Variants in ADCY3 observed in about 807,000 individuals in gnomAD.
ADCY3 encodes adenylate cyclase 3.
A neutral mutation model predicts 119.4 loss-of-function variants in ADCY3; 70 were observed. The ratio of observed to expected loss-of-function variants is 0.59; its 90% CI spans 0.48 to 0.72. The LOEUF is 0.72. ADCY3 is among the 30% of genes least tolerant of loss of function. ADCY3 has a pLI of 0.00. For missense variants in ADCY3, 1,238 were observed against 1,541.6 expected, an observed-to-expected ratio of 0.80 and a Z score of 3.30; for synonymous variants, 672 against 621.4, an observed-to-expected ratio of 1.08 and a Z score of -1.21.
chr2:24,863,532 G>A (rs527699588), intron 3 of ADCY3, among the ~76,000 whole-genome samples: 1 of 152,232 alleles, frequency 6.6e-6, no homozygotes, highest in Non-Finnish European at 1.5e-5. Flanking sequence ...TGTCCCTCTA[G>A]AGAACCCTAA....
rs926108542 is a variant in ADCY3 at position 24,842,528 on chromosome 2, C to G, written c.826-144G>C. On this transcript the variant is annotated intron_variant, in intron 3 of 21. Transcript: ENST00000679454. This position sits in a 1 kb window ranked among gnomAD's most constrained non-coding sequence, Gnocchi z 4.9. ...CCTCCAGAGAGACCTCACAGATCTGCCTCGGGAGCAGCCAGGGGTCTGGGA... is the reference window on the plus strand; with the variant it reads ...CCTCCAGAGAGACCTCACAGATCTGGCTCGGGAGCAGCCAGGGGTCTGGGA... 1.1e-5 allele frequency: 12 copies of G among 1,111,724 alleles called. No homozygotes were observed. In the Admixed American group the frequency reaches 2.6e-4, roughly 25 times the overall value. The allele number at this position is 1,111,724 out of a possible 1,614,324, so 68.9% of individuals were successfully genotyped here.
At chr2:24,849,311 C>T (rs1044224082) in intron 3 of ADCY3, among the ~76,000 whole-genome samples, 13 of 152,162 alleles carry the variant, frequency 8.5e-5, no homozygotes, top group African/African-American at 3.1e-4. Flanking sequence ...ACTGCTGAGC[C>T]TCCTCCCGGT....
intron 3 of ADCY3, among the ~76,000 whole-genome samples, chr2:24,855,125 G>A (rs1187292960): frequency 1.3e-5 from 2 of 152,162 alleles, no homozygotes; most frequent in African/African-American, 4.8e-5. Flanking sequence ...TTGGCTCTGG[G>A]CTGTGTGACA....
intron 11 of ADCY3, among the ~76,000 whole-genome samples, chr2:24,833,215 G>A (rs971906139): frequency 6.6e-6 from 1 of 152,210 alleles, no homozygotes; most frequent in Non-Finnish European, 1.5e-5. Context: ...GCGGCCTCCT[G>A]TGTTAAGAGT....
intron 20 of ADCY3, 161 bp downstream of exon 20, chr2:24,821,356 C>T: frequency 9.4e-7 from 1 of 1,064,276 alleles, no homozygotes. Context: ...CTAGAGTCGT[C>T]TGGACTAAAG....
chr2:24,886,994 A>T (rs1677102759), intron 2 of ADCY3, among the ~76,000 whole-genome samples: 1 of 152,158 alleles, frequency 6.6e-6, no homozygotes, highest in Non-Finnish European at 1.5e-5. Flanking sequence ...TCTCCCTAGC[A>T]GCCCCAGCTT....
At chr2:24,855,111 C>A (rs1446010787) in intron 3 of ADCY3, among the ~76,000 whole-genome samples, 1 of 152,110 alleles carries the variant, frequency 6.6e-6, no homozygotes, top group African/African-American at 2.4e-5. Flanking sequence ...CCTGAACAAG[C>A]CCCTTGGCTC....
intron 3 of ADCY3, among the ~76,000 whole-genome samples, chr2:24,854,161 C>T (rs77904358): frequency 0.033 from 5,023 of 152,218 alleles, 248 homozygotes; most frequent in African/African-American, 0.11. Flanking sequence ...TCCAGAGAAC[C>T]GGACTGTGGA....
At chr2:24,910,099 C>T (rs1299406872) in intron 2 of ADCY3, among the ~76,000 whole-genome samples, 3 of 152,212 alleles carry the variant, frequency 2.0e-5, no homozygotes, top group Non-Finnish European at 2.9e-5. Flanking sequence ...AATGAAACAG[C>T]GCAGGTGGAC....
intron 15 of ADCY3, 107 bp from the exon 16 acceptor site, chr2:24,826,233 G>A: frequency 2.1e-6 from 2 of 947,766 alleles, no homozygotes; most frequent in Non-Finnish European, 1.6e-6. Flanking sequence ...CAGCCCTAGA[G>A]CTCACCCCGG....
At chr2:24,835,270 G>A (rs1670151258) in intron 9 of ADCY3, among the ~76,000 whole-genome samples, 1 of 152,206 alleles carries the variant, frequency 6.6e-6, no homozygotes, top group Non-Finnish European at 1.5e-5. Context: ...CTGGGCTGAG[G>A]CAGTCCTGGC....
chr2:24,836,223 C>T (rs1170377103), intron 9 of ADCY3, among the ~76,000 whole-genome samples: 2 of 152,196 alleles, frequency 1.3e-5, no homozygotes, highest in East Asian at 3.8e-4. Flanking sequence ...AAAACTGCAA[C>T]AAGGAAAAGT....
rs1338848284 is a variant in ADCY3 at position 24,899,547 on chromosome 2, G to A, written c.675+18766C>T. On this transcript the variant is annotated intron_variant, in intron 2 of 21. Transcript: ENST00000679454. This position sits in a 1 kb window ranked among gnomAD's most constrained non-coding sequence, Gnocchi z 4.5. ...CAAGCAGAAGCAGCTTGCTAGACCA[G>A]CCCTGACTCTTCCTCAGCTCGAGAG... Among the ~76,000 whole-genome samples the A allele has an allele frequency of 6.6e-6, 1 of 152,180 alleles. No homozygotes were observed. The highest frequency in any genetic ancestry group is 1.5e-5 in the Non-Finnish European group (1 of 68,024).
intron 8 of ADCY3, among the ~76,000 whole-genome samples, chr2:24,837,708 T>TA (rs1670479430): frequency 6.6e-6 from 1 of 152,094 alleles, no homozygotes; most frequent in Non-Finnish European, 1.5e-5. Flanking sequence ...CAGGGGATGG[T>TA]AAAGGGATCC....
intron 2 of ADCY3, among the ~76,000 whole-genome samples, chr2:24,902,159 C>A (rs1238151368): frequency 2.0e-5 from 3 of 148,084 alleles, no homozygotes; most frequent in African/African-American, 7.7e-5. Flanking sequence ...TGGCTCACTG[C>A]AGCCTCAACC....
chr2:24,865,416 T>C (rs1674158177), intron 3 of ADCY3, among the ~76,000 whole-genome samples: 1 of 150,984 alleles, frequency 6.6e-6, no homozygotes, highest in South Asian at 2.1e-4. Flanking sequence ...CACTCTAGCC[T>C]CAGCAACAGA....
chr2:24,909,299 C>T (rs1663292656), intron 2 of ADCY3, among the ~76,000 whole-genome samples: 2 of 152,164 alleles, frequency 1.3e-5, no homozygotes, highest in Admixed American at 6.5e-5. Flanking sequence ...CCAATCCTAT[C>T]TGGTGTTTCT....
At chr2:24,912,587 ATGTGTG>A (rs201400762) in intron 2 of ADCY3, among the ~76,000 whole-genome samples, 3 of 38,462 alleles carry the variant, frequency 7.8e-5, no homozygotes, top group Non-Finnish European at 1.4e-4. Flanking sequence ...GTGTGTGTGC[ATGTGTG>A]TGTGTGTGTG....
At chr2:24,823,445 T>G (rs1402958342) in intron 17 of ADCY3, 90 bp from the exon 18 acceptor site, 2 of 1,448,400 alleles carry the variant, frequency 1.4e-6, no homozygotes, top group Non-Finnish European at 1.9e-6. Flanking sequence ...ATGCATGACA[T>G]GTGCACTCAG....
Sources: allele counts gnomAD v4.1 joint callset (sites outside exome capture counted in the v4.1 genomes callset), GRCh38; gene constraint gnomAD v4.1.1; non-coding constraint Gnocchi (gnomAD v3.1); transcripts MANE v1.5; gene names NCBI Gene and HGNC (gene_info 2026-07-23, HGNC 2026-07-21).